The following KAZN variants were observed in gnomAD, a reference collection of about 807,000 sequenced individuals.
KAZN encodes kazrin, periplakin interacting protein.
In KAZN, 40 loss-of-function variants were observed where a neutral mutation model predicts 87.4. The ratio of observed to expected loss-of-function variants is 0.46; its 90% CI spans 0.36 to 0.60. KAZN has a LOEUF of 0.60. Among genes scored for constraint, KAZN ranks in the 20% least tolerant of loss-of-function variants. KAZN has a pLI of 0.00. For synonymous variants in KAZN, 466 were observed against 458.3 expected (o/e 1.02, Z -0.22); for missense variants, 898 against 1,073.9 (o/e 0.84, Z 2.29).
chr1:14,548,910 A>G (rs1673336247), intron 2 of KAZN, among the ~76,000 whole-genome samples: 1 of 152,240 alleles, frequency 6.6e-6, no homozygotes, highest in African/African-American at 2.4e-5. Flanking sequence ...TCCATCCATG[A>G]ACATGATCCA....
At chr1:14,602,689 T>G (rs1677074143) in intron 1 of KAZN, among the ~76,000 whole-genome samples, 1 of 152,198 alleles carries the variant, frequency 6.6e-6, no homozygotes, top group Non-Finnish European at 1.5e-5. Flanking sequence ...TGACTAATAT[T>G]AGATTCAGTT....
chr1:14,078,299 C>G (rs1199639882), intron 1 of KAZN, among the ~76,000 whole-genome samples: 1 of 152,178 alleles, frequency 6.6e-6, no homozygotes, highest in Admixed American at 6.5e-5. Flanking sequence ...GCTTATCCCG[C>G]TAGATCTAAA....
intron 1 of KAZN, among the ~76,000 whole-genome samples, chr1:14,935,087 G>A (rs780506977): frequency 3.3e-5 from 5 of 152,148 alleles, no homozygotes; most frequent in African/African-American, 7.2e-5. Context: ...CCTCCTGGGT[G>A]CACCAGCGGC....
chr1:14,725,576 T>G (rs1018215167), intron 1 of KAZN, among the ~76,000 whole-genome samples: 6 of 152,112 alleles, frequency 3.9e-5, no homozygotes, highest in Non-Finnish European at 7.4e-5. Context: ...ATAACAGCCA[T>G]GTTATCACTG....
At chr1:14,170,172 C>A (rs1645923146) in intron 1 of KAZN, among the ~76,000 whole-genome samples, 1 of 152,164 alleles carries the variant, frequency 6.6e-6, no homozygotes, top group South Asian at 2.1e-4. Flanking sequence ...AGTCAGAGCC[C>A]AATTCAGGCA....
At chr1:14,634,665 G>A (rs1050188838) in intron 1 of KAZN, among the ~76,000 whole-genome samples, 2 of 152,184 alleles carry the variant, frequency 1.3e-5, no homozygotes, top group African/African-American at 4.8e-5. Flanking sequence ...TGGACAGGCT[G>A]GCTTTGTTAC....
intron 1 of KAZN, among the ~76,000 whole-genome samples, chr1:14,872,583 T>C (rs1431644122): frequency 6.6e-6 from 1 of 152,222 alleles, no homozygotes; most frequent in Non-Finnish European, 1.5e-5. Flanking sequence ...TGAATAAGTC[T>C]TGCTCATGCT....
chr1:14,660,856 G>A (rs1303222538), intron 1 of KAZN, among the ~76,000 whole-genome samples: 1 of 152,104 alleles, frequency 6.6e-6, no homozygotes, highest in Non-Finnish European at 1.5e-5. Flanking sequence ...TTACATTTTA[G>A]CCTTTGCTTT....
intron 2 of KAZN, among the ~76,000 whole-genome samples, chr1:15,003,184 G>A (rs1022467243): frequency 6.6e-6 from 1 of 152,162 alleles, no homozygotes; most frequent in Non-Finnish European, 1.5e-5. Context: ...TCTGCCTTGG[G>A]AATAATGTCG....
intron 2 of KAZN, among the ~76,000 whole-genome samples, chr1:14,536,304 C>A (rs550338308): frequency 7.9e-5 from 12 of 152,320 alleles, no homozygotes; most frequent in African/African-American, 2.9e-4. Flanking sequence ...GGGGTCTGCC[C>A]GTGCAAGACA....
intron 8 of KAZN, among the ~76,000 whole-genome samples, chr1:15,073,578 G>A (rs777829824): frequency 2.0e-4 from 30 of 152,196 alleles, no homozygotes; most frequent in Non-Finnish European, 3.7e-4. Context: ...GCTGAGCAGA[G>A]GGGACGGGCA....
At chr1:14,413,568 A>C (rs1198223310) in intron 2 of KAZN, among the ~76,000 whole-genome samples, 1 of 141,918 alleles carries the variant, frequency 7.0e-6, no homozygotes, top group Non-Finnish European at 1.5e-5. Context: ...CAGCCTGGGC[A>C]ACAGTGTGAA....
intron 1 of KAZN, among the ~76,000 whole-genome samples, chr1:14,010,153 G>A (rs1324167828): frequency 6.6e-6 from 1 of 151,758 alleles, no homozygotes; most frequent in African/African-American, 2.4e-5. Flanking sequence ...TCCTACCATG[G>A]GTCTGAGATG....
At chr1:14,454,615 G>C (rs6429662) in intron 2 of KAZN, among the ~76,000 whole-genome samples, 72,419 of 151,932 alleles carry the variant, frequency 0.48, 17,728 homozygotes, top group Middle Eastern at 0.64. Flanking sequence ...TTAGTGAGAG[G>C]CCAGGAAATG....
At chr1:14,597,910 A>C (rs936581886), upstream of KAZN, among the ~76,000 whole-genome samples, 2 of 152,148 alleles carry the variant, frequency 1.3e-5, no homozygotes, top group African/African-American at 4.8e-5. Flanking sequence ...TCTTCTGTGA[A>C]GAGGGGATGG....
chr1:15,087,265 T>G (rs1392577932), intron 8 of KAZN, among the ~76,000 whole-genome samples: 1 of 152,214 alleles, frequency 6.6e-6, no homozygotes, highest in Non-Finnish European at 1.5e-5. Context: ...AATAATATAT[T>G]TTATTTAACT....
intron 2 of KAZN, among the ~76,000 whole-genome samples, chr1:14,335,106 G>GCC (rs35092746): frequency 0.024 from 3,476 of 146,144 alleles, 71 homozygotes; most frequent in Middle Eastern, 0.039. Context: ...ATGACTCGGT[G>GCC]CCCCCCCCCC....
chr1:14,235,869 A>G (rs1236004502), intron 2 of KAZN, among the ~76,000 whole-genome samples: 1 of 151,754 alleles, frequency 6.6e-6, no homozygotes, highest in African/African-American at 2.4e-5. Context: ...TTTTTGAGCA[A>G]CTCTCCACGG....
intron 1 of KAZN, among the ~76,000 whole-genome samples, chr1:14,818,431 A>G (rs1410692385): frequency 6.6e-6 from 1 of 152,248 alleles, no homozygotes; most frequent in Non-Finnish European, 1.5e-5. Context: ...GGTGGGTGCC[A>G]CAGCAGGGAG....
Sources: allele counts gnomAD v4.1 joint callset (sites outside exome capture counted in the v4.1 genomes callset), GRCh38; gene constraint gnomAD v4.1.1; transcripts MANE v1.5; gene names NCBI Gene and HGNC (gene_info 2026-07-23, HGNC 2026-07-21).